TBC1D9: variants seen among roughly 807,000 people sequenced by gnomAD.
TBC1D9 encodes TBC1 domain family member 9A.
Under a neutral mutation model 132.0 loss-of-function variants are expected in TBC1D9, and 63 were observed. That is an observed-to-expected ratio of 0.48 (90% CI 0.39 to 0.59). The LOEUF (loss-of-function observed/expected upper bound fraction) is 0.59. Ranked by LOEUF, TBC1D9 falls within the 20% of genes least tolerant of loss-of-function variation. The pLI is 0.00. For missense variants in TBC1D9, 1,261 were observed against 1,592.7 expected (o/e 0.79, Z 3.54); for synonymous variants, 610 against 609.9 (o/e 1.00, Z 0.00).
At position 140,687,345 on chromosome 4, in the gene TBC1D9, TA is replaced by T. The variant is rs1737800055; in HGVS notation, c.242-884del. On this transcript the variant is annotated intron_variant, in intron 2 of 20. Transcript: ENST00000442267. ...TATGTGTGTGTGTGTGTGTGTGTCA[TA>T]TATATATATATATATATATATATAT... Among the ~76,000 whole-genome samples, 18 of 11,586 alleles carry T rather than the reference TA, an allele frequency of 1.6e-3. 1 individual carries two copies. Among genetic ancestry groups the T allele is most frequent in the African/African-American group, 0.011 (18 of 1,622 alleles). 7.6% of individuals were successfully genotyped at this position (11,586 alleles called of 152,430 possible). A position where few individuals can be genotyped will look rare whatever the true frequency, so the allele number is the denominator to read the frequency against.
chr4:140,678,823 C>A, intron 5 of TBC1D9, 119 bp downstream of exon 5: 2 of 1,253,328 alleles, frequency 1.6e-6, no homozygotes, highest in Non-Finnish European at 2.2e-6. Flanking sequence ...AGTTTTGTAT[C>A]TATACACAGA....
chr4:140,629,006 T>C (rs756487538), intron 16 of TBC1D9, among the ~76,000 whole-genome samples: 8 of 152,146 alleles, frequency 5.3e-5, no homozygotes, highest in Non-Finnish European at 1.0e-4. Context: ...ATATATATTC[T>C]GAGAGCACCT....
In TBC1D9 at chr4:140,622,255, C is replaced by A. The variant is rs759291209; in HGVS notation, c.3741G>T (p.Arg1247=). The change falls in exon 21 of 21, where the codon CGG becomes CGT. Residue 1247 remains arginine, a synonymous_variant. Coordinates refer to ENST00000442267, the MANE Select transcript of TBC1D9 (RefSeq NM_015130.3). ...MARITSAKNI[R]MMGKPLTSAS... is the part of the protein sequence containing the mutation. ...CCGAGGTGAGGGGCTTGCCCATCAT[C>A]CGGATGTTTTTTGCACTGGTAATCC... 36 of 1,605,654 alleles carry A rather than the reference C, an allele frequency of 2.2e-5. No individual in the cohort carries two copies. In the African/African-American group the frequency reaches 4.3e-4, roughly 19 times the overall value.
chr4:140,666,189 A>C (rs2111005551), intron 9 of TBC1D9, among the ~76,000 whole-genome samples: 1 of 152,340 alleles, frequency 6.6e-6, no homozygotes, highest in East Asian at 1.9e-4. Flanking sequence ...ATGCTATGTG[A>C]AAGAAGCCAG....
At chr4:140,727,175 C>A (rs1203421206) in intron 1 of TBC1D9, among the ~76,000 whole-genome samples, 1 of 152,144 alleles carries the variant, frequency 6.6e-6, no homozygotes, top group African/African-American at 2.4e-5. Context: ...GCCTAGTGTG[C>A]AAAACACAGC....
intron 8 of TBC1D9, among the ~76,000 whole-genome samples, chr4:140,669,270 T>C (rs987853198): frequency 1.2e-4 from 19 of 152,208 alleles, no homozygotes; most frequent in Non-Finnish European, 1.9e-4. Context: ...ATGAAGCTTT[T>C]GGGCCCAGAG....
At position 140,706,633 on chromosome 4, in the gene TBC1D9, C is replaced by A. The variant is rs929214763; in HGVS notation, c.131-5019G>T. On this transcript the variant is annotated intron_variant, in intron 1 of 20. Coordinates refer to ENST00000442267, the MANE Select transcript of TBC1D9 (RefSeq NM_015130.3). This position sits in a 1 kb window ranked among gnomAD's most constrained non-coding sequence, Gnocchi z 4.0. ...CACTCCTTTAATCCCATTTCCCTCT[C>A]TCCATTAACCATTCTTAAATTGTTT... 6.6e-6 allele frequency among the ~76,000 whole-genome samples: 1 copy of A among 152,090 alleles called. No individual in the cohort carries two copies. The highest frequency in any genetic ancestry group is 6.5e-5 in the Admixed American group (1 of 15,274).
rs1349101964 is a variant in TBC1D9 at position 140,739,973 on chromosome 4, T to G, written c.130+15943A>C. Among the ~76,000 whole-genome samples the G allele has an allele frequency of 1.2e-4, 18 of 152,198 alleles. 1 individual carries two copies. Among genetic ancestry groups the G allele is most frequent in the Admixed American group, 1.2e-3 (18 of 15,276 alleles). On this transcript the variant is annotated intron_variant, in intron 1 of 20. Transcript: ENST00000442267. The stretch of plus-strand genomic sequence containing the variant: ...TTAATGTTCTGCTTGATCTTCACTC[T>G]AGCAAGTATCTGTCCAGCATGCCTT...
At chr4:140,750,975 T>TA (rs142119218) in intron 1 of TBC1D9, among the ~76,000 whole-genome samples, 5,213 of 152,052 alleles carry the variant, frequency 0.034, 156 homozygotes, top group African/African-American at 0.081. Context: ...TATTTTAAGT[T>TA]AAAAAAATGC....
At chr4:140,738,577 T>G (rs1738711698) in intron 1 of TBC1D9, among the ~76,000 whole-genome samples, 1 of 152,224 alleles carries the variant, frequency 6.6e-6, no homozygotes. Flanking sequence ...CCCTGGTACA[T>G]CCTCAACCTT....
intron 1 of TBC1D9, among the ~76,000 whole-genome samples, chr4:140,730,997 C>T (rs956835016): frequency 1.1e-4 from 17 of 152,158 alleles, no homozygotes; most frequent in Admixed American, 6.5e-4. Flanking sequence ...AAATGATGCT[C>T]GTCCTTTACC....
intron 1 of TBC1D9, among the ~76,000 whole-genome samples, chr4:140,724,066 C>G (rs1351984752): frequency 6.6e-6 from 1 of 152,178 alleles, no homozygotes; most frequent in African/African-American, 2.4e-5. Flanking sequence ...AAAGCCACTT[C>G]TCAACTATTG....
intron 6 of TBC1D9, among the ~76,000 whole-genome samples, chr4:140,671,674 C>CTGTGTGTGTGTGTGTGTGTGTGTGTGTG (rs34072180): frequency 2.1e-5 from 3 of 141,722 alleles, no homozygotes; most frequent in African/African-American, 8.3e-5. Flanking sequence ...AACTACCAGA[C>CTGTGTGTGTGTGTGTGTGTGTGTGTGTG]TGTGTGTGTG....
Position 140,622,370 on chromosome 4 carries a change from C to T in TBC1D9, c.3626G>A (p.Trp1209Ter). 6.2e-7 allele frequency: 1 copy of T among 1,613,300 alleles called. No homozygotes were observed. Among genetic ancestry groups the T allele is most frequent in the East Asian group, 2.2e-5 (1 of 44,856 alleles). Reference sequence around the variant, plus strand: ...CAGGAACTGCTCGAAGGTGATGGCCCAGTCCCGGTCCAGGCTGGTGCTCCG... The same window carrying T: ...CAGGAACTGCTCGAAGGTGATGGCCTAGTCCCGGTCCAGGCTGGTGCTCCG... ...LPRSTSLDRD[W>*]AITFEQFLAS... The change falls in exon 21 of 21, where the codon TGG becomes TAG. Residue 1209 changes from tryptophan (W) to a stop codon, truncating the protein, a stop_gained. Coordinates refer to ENST00000442267, the MANE Select transcript of TBC1D9 (RefSeq NM_015130.3). LOFTEE classifies it high-confidence loss of function.
intron 13 of TBC1D9, among the ~76,000 whole-genome samples, chr4:140,655,323 G>A (rs1018043354): frequency 1.8e-4 from 28 of 152,182 alleles, no homozygotes; most frequent in Non-Finnish European, 3.7e-4. Flanking sequence ...CTCTTATTAT[G>A]AGTTAAGGAC....
intron 1 of TBC1D9, among the ~76,000 whole-genome samples, chr4:140,740,537 T>G (rs577116484): frequency 6.6e-6 from 1 of 152,336 alleles, no homozygotes; most frequent in Admixed American, 6.5e-5. Context: ...CACCTTATCT[T>G]ATGTAAAATG....
intron 1 of TBC1D9, among the ~76,000 whole-genome samples, chr4:140,702,526 G>A (rs982981260): frequency 2.6e-5 from 4 of 152,256 alleles, no homozygotes; most frequent in African/African-American, 9.6e-5. Context: ...CCAGCCATGC[G>A]GAGAACGCAC....
chr4:140,643,823 C>A, intron 13 of TBC1D9: 1 of 735,542 alleles, frequency 1.4e-6, no homozygotes, highest in South Asian at 1.6e-5. Flanking sequence ...GCGCCTGGGC[C>A]TCCAACGGGC....
At chr4:140,685,165 T>C (rs1378530877) in intron 3 of TBC1D9, among the ~76,000 whole-genome samples, 1 of 152,216 alleles carries the variant, frequency 6.6e-6, no homozygotes, top group Non-Finnish European at 1.5e-5. Flanking sequence ...GGATCAATCC[T>C]AAATCAAGAC....
Sources: allele counts gnomAD v4.1 joint callset (sites outside exome capture counted in the v4.1 genomes callset), GRCh38; gene constraint gnomAD v4.1.1; non-coding constraint Gnocchi (gnomAD v3.1); transcripts MANE v1.5; gene names NCBI Gene and HGNC (gene_info 2026-07-23, HGNC 2026-07-21).